MYT1L: variants seen among roughly 807,000 people sequenced by gnomAD.
MYT1L encodes myelin transcription factor 1 like.
A neutral mutation model predicts 126.7 loss-of-function variants in MYT1L; 12 were observed. That is an observed-to-expected ratio of 0.09 (90% CI 0.06 to 0.15). The LOEUF (loss-of-function observed/expected upper bound fraction) is 0.15, where lower values mean the gene tolerates loss of function less well. Among genes scored for constraint, MYT1L ranks in the 10% least tolerant of loss-of-function variants. MYT1L has a pLI of 1.00. For missense variants in MYT1L, 979 were observed against 1,585.2 expected, an observed-to-expected ratio of 0.62 and a Z score of 6.49; for synonymous variants, 541 against 604.2, an observed-to-expected ratio of 0.90 and a Z score of 1.53.
intron 1 of MYT1L, among the ~76,000 whole-genome samples, chr2:2,322,422 A>T (rs1340753928): frequency 6.6e-6 from 1 of 152,126 alleles, no homozygotes; most frequent in Non-Finnish European, 1.5e-5. Context: ...GACAGGGAAA[A>T]ATTCCCTTAG....
chr2:2,306,033 A>ATGG (rs1310696778), intron 1 of MYT1L: 3 of 152,164 alleles, frequency 2.0e-5, no homozygotes, highest in Non-Finnish European at 4.4e-5. Context: ...TAAAATCTGA[A>ATGG]TGGTGACATT....
intron 1 of MYT1L, among the ~76,000 whole-genome samples, chr2:2,302,049 C>T (rs973866051): frequency 7.2e-5 from 11 of 152,036 alleles, no homozygotes; most frequent in African/African-American, 2.7e-4. Flanking sequence ...CTTTCTATTC[C>T]AAAATTGATA....
At chr2:2,007,609 G>T (rs368350230) in intron 4 of MYT1L, among the ~76,000 whole-genome samples, 4 of 152,148 alleles carry the variant, frequency 2.6e-5, no homozygotes, top group Non-Finnish European at 4.4e-5. Flanking sequence ...GTAACTTCTT[G>T]CATGACTCAG....
At position 2,077,830 on chromosome 2, in the gene MYT1L, G is replaced by A. The variant is rs57935296; in HGVS notation, c.-303-23707C>T. Among the ~76,000 whole-genome samples the A allele has an allele frequency of 1.4e-3, 208 of 152,266 alleles. 1 individual carries two copies. The highest frequency in any genetic ancestry group is 0.012 in the East Asian group (60 of 5,192). The stretch of plus-strand genomic sequence containing the variant: ...AGAAATACTAAAGGGAGCCCCTCAC[G>A]CTGAAATGAAAGAACACACAAAACC... On this transcript the variant is annotated intron_variant, in intron 3 of 24. Coordinates refer to ENST00000647738, the MANE Select transcript of MYT1L (RefSeq NM_001303052.2).
intron 8 of MYT1L, among the ~76,000 whole-genome samples, chr2:1,964,260 T>G (rs2149400937): frequency 6.6e-6 from 1 of 152,342 alleles, no homozygotes; most frequent in Admixed American, 6.5e-5. Context: ...CGGTTCCTGG[T>G]GTCCCCAAAC....
At chr2:2,238,303 C>T (rs2094367152) in intron 2 of MYT1L, among the ~76,000 whole-genome samples, 1 of 152,140 alleles carries the variant, frequency 6.6e-6, no homozygotes, top group Non-Finnish European at 1.5e-5. Context: ...CGGGCCTCAA[C>T]TCTTTAATCT....
chr2:2,141,512 C>T (rs566309111), intron 3 of MYT1L, among the ~76,000 whole-genome samples: 1 of 152,222 alleles, frequency 6.6e-6, no homozygotes, highest in Admixed American at 6.5e-5. Flanking sequence ...GATTTCTGGG[C>T]CTGAGTTCTG....
Position 1,934,197 on chromosome 2 carries a change from A to C in MYT1L, c.505+8785T>G, listed in dbSNP as rs532871714. ...CATCGTGTTAGCCAGGATGGTCTCG[A>C]TCTCCTGACCTCGTGATCCTCCCGC... is the stretch of plus-strand genomic sequence containing the variant. On this transcript the variant is annotated intron_variant, in intron 9 of 24. Transcript: ENST00000647738. Among the ~76,000 whole-genome samples the C allele has an allele frequency of 2.7e-5, 4 of 150,740 alleles. No homozygotes were observed. The East Asian group carries it at 7.9e-4, about 30-fold the overall frequency.
At position 1,825,745 on chromosome 2, in the gene MYT1L, C is replaced by T. The variant is rs144317560; in HGVS notation, c.3080+13404G>A. The T allele has an allele frequency of 1.1e-4, 16 of 152,318 alleles. No individual in the cohort carries two copies. The East Asian group carries it at 3.1e-3, about 29-fold the overall frequency. 9.4% of individuals were successfully genotyped at this position (152,318 alleles called of 1,614,324 possible). On this transcript the variant is annotated intron_variant, in intron 21 of 24. Transcript: ENST00000647738. ...CAGGCTAAGTTTCTTGGGACAGAGA[C>T]TGTCTTGAAATTTTTATTTCTCTGA...
At chr2:2,237,823 G>A (rs1186438224) in intron 2 of MYT1L, among the ~76,000 whole-genome samples, 1 of 152,180 alleles carries the variant, frequency 6.6e-6, no homozygotes, top group Non-Finnish European at 1.5e-5. Context: ...CCTGGGTTCT[G>A]CCTCATTGGG....
chr2:1,812,875 CAAA>C (rs33917296), intron 21 of MYT1L, among the ~76,000 whole-genome samples: 5 of 59,780 alleles, frequency 8.4e-5, no homozygotes, highest in Middle Eastern at 9.8e-3. Flanking sequence ...GACTCCGTCT[CAAA>C]AAAAAAAAAA....
chr2:2,279,315 T>C (rs1177215282), intron 2 of MYT1L, among the ~76,000 whole-genome samples: 1 of 151,928 alleles, frequency 6.6e-6, no homozygotes, highest in Non-Finnish European at 1.5e-5. Flanking sequence ...TAGTTCAAAG[T>C]ATGGAGGACA....
intron 4 of MYT1L, among the ~76,000 whole-genome samples, chr2:2,022,327 G>A (rs910717388): frequency 2.6e-5 from 4 of 152,182 alleles, no homozygotes; most frequent in African/African-American, 9.7e-5. Context: ...GGTCTGACAA[G>A]CTACAGTCCA....
chr2:2,181,641 G>T (rs72769212), intron 2 of MYT1L, among the ~76,000 whole-genome samples: 1 of 152,184 alleles, frequency 6.6e-6, no homozygotes, highest in Admixed American at 6.5e-5. Flanking sequence ...AGTTGACCAC[G>T]TGGAAGCGCT....
At chr2:2,025,886 A>G (rs2065501278) in intron 4 of MYT1L, among the ~76,000 whole-genome samples, 1 of 152,264 alleles carries the variant, frequency 6.6e-6, no homozygotes, top group Admixed American at 6.5e-5. Flanking sequence ...AGAACAAGAT[A>G]CATGAAGCAA....
chr2:2,230,125 C>T (rs1349100621), intron 2 of MYT1L, among the ~76,000 whole-genome samples: 2 of 152,160 alleles, frequency 1.3e-5, no homozygotes, highest in Non-Finnish European at 2.9e-5. Context: ...CATTTGACAA[C>T]CCTTTTATAC....
chr2:2,329,926 G>T (rs1004650460), intron 1 of MYT1L, among the ~76,000 whole-genome samples: 1 of 150,224 alleles, frequency 6.7e-6, no homozygotes, highest in Non-Finnish European at 1.5e-5. Context: ...CAACACTTTG[G>T]ATTCAAAGTT....
intron 3 of MYT1L, among the ~76,000 whole-genome samples, chr2:2,148,678 C>T (rs188391353): frequency 4.9e-4 from 74 of 152,182 alleles, no homozygotes; most frequent in African/African-American, 1.3e-3. Flanking sequence ...CTTCAGAGCA[C>T]GAGGTATGAA....
At chr2:2,322,109 A>G (rs757774029) in intron 1 of MYT1L, among the ~76,000 whole-genome samples, 44 of 152,178 alleles carry the variant, frequency 2.9e-4, no homozygotes, top group Non-Finnish European at 5.7e-4. Context: ...ACAGTACTGA[A>G]TTTTAAAAGG....
Sources: allele counts gnomAD v4.1 joint callset (sites outside exome capture counted in the v4.1 genomes callset), GRCh38; gene constraint gnomAD v4.1.1; transcripts MANE v1.5; gene names NCBI Gene and HGNC (gene_info 2026-07-23, HGNC 2026-07-21).